Variants in NOS1 observed in about 807,000 individuals in gnomAD.
NOS1 encodes NOS type I.
Under a neutral mutation model 164.5 loss-of-function variants are expected in NOS1, and 51 were observed. The observed-to-expected ratio is 0.31, with a 90% CI of 0.25 to 0.39. The LOEUF (loss-of-function observed/expected upper bound fraction) is 0.39, where lower values mean the gene tolerates loss of function less well. NOS1 is among the 10% of genes least tolerant of loss of function. The pLI is 1.00. For missense variants in NOS1, 1,362 were observed against 1,885.6 expected (o/e 0.72, Z 5.14); for synonymous variants, 719 against 745.8 (o/e 0.96, Z 0.59).
chr12:117,358,900 A>G (rs760089961), intron 1 of NOS1, among the ~76,000 whole-genome samples: 1 of 152,266 alleles, frequency 6.6e-6, no homozygotes, highest in African/African-American at 2.4e-5. Context: ...GTTCAGGCAC[A>G]TGCCAGACTG....
At position 117,285,282 on chromosome 12, in the gene NOS1, G is replaced by A. The variant is rs747704084; in HGVS notation, c.1341C>T (p.Ile447=). 6.2e-7 allele frequency: 1 copy of A among 1,611,566 alleles called. No individual in the cohort carries two copies. The highest frequency in any genetic ancestry group is 8.5e-7 in the Non-Finnish European group (1 of 1,178,498). Residue 447 remains isoleucine (I), a synonymous_variant, in exon 7 of 29, where the codon ATC becomes ATT. Transcript: ENST00000317775. ...TGGTGGCATACTTGACATGGTTACAGATGTAGTTGAACATCCCGTGGGCCG... is the reference window on the plus strand; with the variant it reads ...TGGTGGCATACTTGACATGGTTACAAATGTAGTTGAACATCCCGTGGGCCG... ...CTTAHGMFNY[I]CNHVKYATNK...
intron 28 of NOS1, among the ~76,000 whole-genome samples, chr12:117,217,454 C>G (rs1044853494): frequency 3.3e-5 from 5 of 152,280 alleles, no homozygotes; most frequent in Non-Finnish European, 4.4e-5. Context: ...CCTATAATTC[C>G]AGCACTTTGG....
Position 117,278,091 on chromosome 12 carries a change from A to T in NOS1, c.1532T>A (p.Ile511Lys). The T allele has an allele frequency of 6.2e-7, 1 of 1,612,664 alleles. No homozygotes were observed. Among genetic ancestry groups the T allele is most frequent in the Non-Finnish European group, 8.5e-7 (1 of 1,179,242 alleles). The change falls in exon 9 of 29, where the codon ATA becomes AAA. Residue 511 changes from isoleucine (I) to lysine (K), a missense_variant. By Grantham distance (102) the Ile-to-Lys change is moderately radical (BLOSUM62 -3). Around this residue, in one of 4 missense-constraint regions of NOS1, gnomAD observed 134 missense variants for 267.3 expected, o/e 0.50. Coordinates refer to ENST00000317775, the MANE Select transcript of NOS1 (RefSeq NM_000620.5). ...TCTAGGCGGTTTCCAGCCCTGCTGT[A>T]TGCATATCTGCAAGCAGACCCGGCC... ...PANVQFTEICIQQGWKPPRGR... is the reference protein window; with the variant it reads ...PANVQFTEICKQQGWKPPRGR...
chr12:117,262,478 A>C (rs550539188), intron 13 of NOS1, among the ~76,000 whole-genome samples: 114 of 74,258 alleles, frequency 1.5e-3, no homozygotes, highest in Middle Eastern at 0.013. Context: ...AGGGAGAGAA[A>C]GGGGGAGGGG....
At chr12:117,288,053 C>T (rs753554139) in intron 5 of NOS1, 21 bp downstream of exon 5, 28 of 1,612,766 alleles carry the variant, frequency 1.7e-5, no homozygotes, top group Non-Finnish European at 2.4e-5. Flanking sequence ...CTCGGGCTCC[C>T]CGGAATTGAC....
At chr12:117,248,183 T>A (rs531968018) in intron 17 of NOS1, among the ~76,000 whole-genome samples, 1 of 119,922 alleles carries the variant, frequency 8.3e-6, no homozygotes, top group Non-Finnish European at 1.7e-5. Context: ...TAAATTTCTA[T>A]TCTTTTTTTT....
chr12:117,322,287 C>T (rs1309981374), intron 2 of NOS1, among the ~76,000 whole-genome samples: 15 of 134,650 alleles, frequency 1.1e-4, no homozygotes, highest in African/African-American at 4.3e-4. Flanking sequence ...TTTCTTCCTT[C>T]CCTCCTTCCT....
At chr12:117,227,286 C>T in intron 23 of NOS1, 145 bp downstream of exon 23, 1 of 753,562 alleles carries the variant, frequency 1.3e-6, no homozygotes, top group East Asian at 2.7e-5. Context: ...TCACCTGCTG[C>T]TTCTTCCCCC....
chr12:117,262,506 A>AG (rs1175792881), intron 13 of NOS1, among the ~76,000 whole-genome samples: 1 of 130,504 alleles, frequency 7.7e-6, no homozygotes, highest in South Asian at 2.4e-4. Context: ...AGAGAGAGAG[A>AG]AGAGAGAGGA....
At position 117,212,047 on chromosome 12, in the gene NOS1, CAG is replaced by C. The variant is rs1956535522; in HGVS notation, c.*3260_*3261del. 1.5e-5 allele frequency: 14 copies of C among 949,740 alleles called. No homozygotes were observed. The highest frequency in any genetic ancestry group is 1.8e-5 in the African/African-American group (1 of 54,902). 58.8% of individuals were successfully genotyped at this position (949,740 alleles called of 1,614,324 possible). A position where few individuals can be genotyped will look rare whatever the true frequency, so the allele number is the denominator to read the frequency against. On this transcript the variant is annotated 3_prime_UTR_variant, in exon 29 of 29. Transcript: ENST00000317775. ...TACCACTGTACGCCAGCCTGGGTGA[CAG>C]AGCAAGACTCTGTCAAAAAAAAAAA...
At chr12:117,265,004 G>A (rs1453103345) in intron 12 of NOS1, among the ~76,000 whole-genome samples, 1 of 150,524 alleles carries the variant, frequency 6.6e-6, no homozygotes, top group Non-Finnish European at 1.5e-5. Flanking sequence ...TGCCCAGCCT[G>A]CTAATTAAAA....
intron 3 of NOS1, among the ~76,000 whole-genome samples, chr12:117,310,100 G>C (rs999560983): frequency 5.3e-5 from 8 of 152,132 alleles, no homozygotes; most frequent in South Asian, 4.1e-4. Flanking sequence ...TAGAGATAGG[G>C]TTTTGCCATG....
rs936518846 is a variant in NOS1 at position 117,330,790 on chromosome 12, C to A, written c.280G>T (p.Val94Phe). Reference sequence around the variant, plus strand: ...CCTTCAGGGCCCCTCAGAATGAGGACCACGTGGGTCTCAGAGGCAATGCCT... The same window carrying A: ...CCTTCAGGGCCCCTCAGAATGAGGAACACGTGGGTCTCAGAGGCAATGCCT... ...LRGIASETHV[V>F]LILRGPEGFT... Residue 94 changes from valine to phenylalanine, a missense_variant, in exon 2 of 29, where the codon GTC becomes TTC. By Grantham distance (50) the Val-to-Phe change is conservative (BLOSUM62 -1). Transcript: ENST00000317775. This position sits in a 1 kb window ranked among gnomAD's most constrained non-coding sequence, Gnocchi z 4.6. The A allele has an allele frequency of 6.2e-7, 1 of 1,614,046 alleles. No individual in the cohort carries two copies. The highest frequency in any genetic ancestry group is 8.5e-7 in the Non-Finnish European group (1 of 1,180,000).
intron 27 of NOS1, among the ~76,000 whole-genome samples, chr12:117,218,480 C>A (rs888799873): frequency 3.9e-5 from 6 of 152,050 alleles, no homozygotes; most frequent in African/African-American, 1.4e-4. Context: ...AAATGGAAAC[C>A]TCACCATTCC....
chr12:117,335,415 C>T (rs1260584174), intron 1 of NOS1, among the ~76,000 whole-genome samples: 14 of 152,170 alleles, frequency 9.2e-5, no homozygotes. Context: ...GGAAACAATA[C>T]TTGGACCCAA....
intron 1 of NOS1, among the ~76,000 whole-genome samples, chr12:117,357,483 A>G (rs909249480): frequency 6.6e-6 from 1 of 152,210 alleles, no homozygotes; most frequent in African/African-American, 2.4e-5. Flanking sequence ...GTTATCATCG[A>G]TGAGGATTGG....
At chr12:117,297,042 A>C (rs1873464018) in intron 3 of NOS1, among the ~76,000 whole-genome samples, 1 of 152,252 alleles carries the variant, frequency 6.6e-6, no homozygotes, top group Admixed American at 6.5e-5. Flanking sequence ...TTAAAACCTG[A>C]GCAAACTAAC....
rs1031940890 is a variant in NOS1 at position 117,212,211 on chromosome 12, G to C, written c.*3098C>G. ...TAAAATGCAGTAAGTTTTGAACCAG[G>C]TACTGTAACTGGGCATTTCGTGGGC... On this transcript the variant is annotated 3_prime_UTR_variant, in exon 29 of 29. Coordinates refer to ENST00000317775, the MANE Select transcript of NOS1 (RefSeq NM_000620.5). The C allele has an allele frequency of 3.0e-6, 3 of 985,324 alleles. No homozygotes were observed. Among genetic ancestry groups the C allele is most frequent in the Non-Finnish European group, 3.6e-6 (3 of 829,878 alleles). 61.0% of individuals were successfully genotyped at this position (985,324 alleles called of 1,614,324 possible). A position where few individuals can be genotyped will look rare whatever the true frequency, so the allele number is the denominator to read the frequency against.
chr12:117,244,776 T>C (rs948986048), intron 18 of NOS1, among the ~76,000 whole-genome samples: 11 of 152,222 alleles, frequency 7.2e-5, no homozygotes, highest in African/African-American at 2.4e-4. Context: ...GAAAACATTA[T>C]ACTAAGTGAA....
Sources: gnomAD v4.1 joint callset for allele counts (sites outside exome capture counted in the v4.1 genomes callset) on GRCh38, gnomAD v4.1.1 for gene constraint, gnomAD v4.1.1 regional missense constraint, Gnocchi (gnomAD v3.1) non-coding constraint, MANE v1.5 for transcripts, NCBI Gene and HGNC (gene_info 2026-07-23, HGNC 2026-07-21) for gene names.